Variants in ACOX3 observed in about 807,000 individuals in gnomAD.
The protein encoded by ACOX3 is peroxisomal acyl-coenzyme A oxidase 3.
In ACOX3, 73 loss-of-function variants were observed where a neutral mutation model predicts 81.5. That is an observed-to-expected ratio of 0.90 (90% CI 0.74 to 1.09). ACOX3 has a LOEUF of 1.09. Among genes scored for constraint, ACOX3 ranks in the 50% least tolerant of loss-of-function variants. ACOX3 has a pLI of 0.00. For missense variants in ACOX3, 947 were observed against 928.0 expected (o/e 1.02, Z -0.27); for synonymous variants, 387 against 375.1 (o/e 1.03, Z -0.37).
intron 1 of ACOX3, among the ~76,000 whole-genome samples, chr4:8,429,163 T>G (rs538546206): frequency 2.6e-4 from 39 of 152,320 alleles, no homozygotes; most frequent in African/African-American, 8.9e-4. Context: ...ACACTTCTTA[T>G]GAAATTTACA....
At chr4:8,362,755 G>A (rs1715260861), downstream of ACOX3, among the ~76,000 whole-genome samples, 1 of 152,196 alleles carries the variant, frequency 6.6e-6, no homozygotes, top group Non-Finnish European at 1.5e-5. Flanking sequence ...CAAGAGGAGA[G>A]GAATTTACTC....
At chr4:8,388,772 G>T (rs1351126182) in intron 13 of ACOX3, among the ~76,000 whole-genome samples, 5 of 152,208 alleles carry the variant, frequency 3.3e-5, no homozygotes, top group Admixed American at 3.3e-4. Flanking sequence ...AGCCAGCAGG[G>T]CCTGGGAGTG....
In ACOX3 at chr4:8,385,397, G is replaced by C. The variant is rs1718188902; in HGVS notation, c.1537+3776C>G. Among the ~76,000 whole-genome samples the C allele has an allele frequency of 6.6e-6, 1 of 152,090 alleles. No individual in the cohort carries two copies. The highest frequency in any genetic ancestry group is 2.4e-5 in the African/African-American group (1 of 41,404). On this transcript the variant is annotated intron_variant, in intron 13 of 17. Transcript: ENST00000356406. This position sits in a 1 kb window ranked among gnomAD's most constrained non-coding sequence, Gnocchi z 5.5. The stretch of plus-strand genomic sequence containing the variant: ...ACCACTCACCCCATGTGACCCCACT[G>C]CTCACACATGACCCTATGTCACCTC...
In ACOX3 at chr4:8,366,426, A is replaced by G. The variant is rs1357643211; in HGVS notation, c.*535T>C. 6.6e-6 allele frequency: 1 copy of G among 152,320 alleles called. No homozygotes were observed. The highest frequency in any genetic ancestry group is 1.5e-5 in the Non-Finnish European group (1 of 68,102). The allele number at this position is 152,320 out of a possible 1,614,324, so 9.4% of individuals were successfully genotyped here. On this transcript the variant is annotated 3_prime_UTR_variant, in exon 18 of 18. Transcript: ENST00000356406. ...GTTCCACAAAAGAAAGTAATCAAACAGATGTTCCTCCTTAAGTCTTAAACC... is the reference window on the plus strand; with the variant it reads ...GTTCCACAAAAGAAAGTAATCAAACGGATGTTCCTCCTTAAGTCTTAAACC...
chr4:8,390,512 T>C (rs138170592), intron 11 of ACOX3, among the ~76,000 whole-genome samples: 124 of 152,370 alleles, frequency 8.1e-4, no homozygotes, highest in African/African-American at 2.8e-3. Flanking sequence ...CCCCCAGGGC[T>C]ACCCTTCTTC....
chr4:8,413,877 G>C (rs1170754343), intron 5 of ACOX3, among the ~76,000 whole-genome samples: 1 of 152,260 alleles, frequency 6.6e-6, no homozygotes, highest in East Asian at 1.9e-4. Flanking sequence ...GCTCTTCGCA[G>C]AGGGACAGCC....
intron 1 of ACOX3, among the ~76,000 whole-genome samples, chr4:8,420,267 A>C (rs1722796420): frequency 6.6e-6 from 1 of 152,242 alleles, no homozygotes; most frequent in South Asian, 2.1e-4. Context: ...AAGGATTGTG[A>C]AGCCAGACTG....
At chr4:8,401,450 C>T (rs191559690) in intron 7 of ACOX3, among the ~76,000 whole-genome samples, 25 of 152,288 alleles carry the variant, frequency 1.6e-4, no homozygotes, top group Non-Finnish European at 2.9e-4. Flanking sequence ...GCTGCCAGCT[C>T]TGCTGTGCTG....
At chr4:8,402,380 C>T (rs760711120) in intron 7 of ACOX3, among the ~76,000 whole-genome samples, 1 of 152,188 alleles carries the variant, frequency 6.6e-6, no homozygotes, top group Non-Finnish European at 1.5e-5. Flanking sequence ...ATGCCACAGC[C>T]GCACACTCAG....
chr4:8,388,687 G>C (rs1718594091), intron 13 of ACOX3, among the ~76,000 whole-genome samples: 1 of 152,212 alleles, frequency 6.6e-6, no homozygotes, highest in Non-Finnish European at 1.5e-5. Flanking sequence ...CAGGAGATGA[G>C]CCTGTGCCAC....
rs1041779273 is a variant in ACOX3, at chr4:8,431,064, G to A, written c.-15+9584C>T. Reference sequence around the variant, plus strand: ...AGCTGGAGGGTGGAGAGGGAGCTGAGTGGCTTTTTATTGTTGGTTCTATTT... The same window carrying A: ...AGCTGGAGGGTGGAGAGGGAGCTGAATGGCTTTTTATTGTTGGTTCTATTT... On this transcript the variant is annotated intron_variant, in intron 1 of 17. Coordinates refer to ENST00000356406, the MANE Select transcript of ACOX3 (RefSeq NM_003501.3). This position sits in a 1 kb window ranked among gnomAD's most constrained non-coding sequence, Gnocchi z 5.3. Among the ~76,000 whole-genome samples, 8 of 152,152 alleles carry A rather than the reference G, an allele frequency of 5.3e-5. No homozygotes were observed. The highest frequency in any genetic ancestry group is 1.9e-4 in the African/African-American group (8 of 41,434).
Position 8,399,562 on chromosome 4 carries a change from G to A in ACOX3, c.867C>T (p.Pro289=), listed in dbSNP as rs749776895. The A allele has an allele frequency of 6.2e-7, 1 of 1,613,406 alleles. No homozygotes were observed. The highest frequency in any genetic ancestry group is 8.5e-7 in the Non-Finnish European group (1 of 1,179,338). ...CGGCCCCCCATGCCTGTACCTTAAA[G>A]GGGCTGACATAGGTGCCCTCGGGGG... ...DVTPEGTYVS[P]FKDVRQRFGA... Residue 289 remains proline, a synonymous_variant, in exon 8 of 18, where the codon CCC becomes CCT. Coordinates refer to ENST00000356406, the MANE Select transcript of ACOX3 (RefSeq NM_003501.3). This position sits in a 1 kb window ranked among gnomAD's most constrained non-coding sequence, Gnocchi z 4.9.
At chr4:8,435,692 C>T (rs1049260534) in intron 1 of ACOX3, among the ~76,000 whole-genome samples, 1 of 152,058 alleles carries the variant, frequency 6.6e-6, no homozygotes, top group Non-Finnish European at 1.5e-5. Context: ...TAAATTTAGC[C>T]CTGTTTAACA....
At position 8,370,353 on chromosome 4, in the gene ACOX3, G is replaced by A. The variant is rs970738221; in HGVS notation, c.1983+555C>T. ...TGGTGGAGGCTCCCTCAGGGGGGCG[G>A]CCTGACCCCATCTGCTATGAAGGAA... On this transcript the variant is annotated intron_variant, in intron 17 of 17. Transcript: ENST00000356406. The surrounding 1 kb of genome is among the most constrained non-coding windows in gnomAD (Gnocchi z 6.3). 6.6e-6 allele frequency among the ~76,000 whole-genome samples: 1 copy of A among 152,138 alleles called. No homozygotes were observed. The highest frequency in any genetic ancestry group is 1.5e-5 in the Non-Finnish European group (1 of 67,994).
Position 8,393,726 on chromosome 4 carries a change from C to CCCT in ACOX3, c.1179+891_1179+893dup, listed in dbSNP as rs1719341756. On this transcript the variant is annotated intron_variant, in intron 10 of 17. Coordinates refer to ENST00000356406, the MANE Select transcript of ACOX3 (RefSeq NM_003501.3). Reference sequence around the variant, plus strand: ...CTTCACATAAGGGGCTGAGCTGAGGCCCTCCTCTGCCTGGGTTAAACCACT... The same window carrying CCCT: ...CTTCACATAAGGGGCTGAGCTGAGGCCCTCCTCCTCTGCCTGGGTTAAACCACT... 1.3e-5 allele frequency among the ~76,000 whole-genome samples: 2 copies of CCCT among 152,144 alleles called. 1 individual carries two copies. The highest frequency in any genetic ancestry group is 4.2e-4 in the South Asian group (2 of 4,818).
At chr4:8,361,425 C>CAAAAAAAAAAAAAAAAAA (rs56251372), downstream of ACOX3, among the ~76,000 whole-genome samples, 7 of 39,030 alleles carry the variant, frequency 1.8e-4, no homozygotes, top group African/African-American at 7.5e-4. Context: ...GACTCTATCT[C>CAAAAAAAAAAAAAAAAAA]AAAAAAAAAA....
chr4:8,376,176 GTTAT>G, intron 14 of ACOX3, among the ~76,000 whole-genome samples: 1 of 152,228 alleles, frequency 6.6e-6, no homozygotes, highest in African/African-American at 2.4e-5. Flanking sequence ...GCCAGCATCT[GTTAT>G]TTTTCTTTTT....
downstream of ACOX3, among the ~76,000 whole-genome samples, chr4:8,365,138 A>G (rs1244612898): frequency 6.6e-6 from 1 of 152,046 alleles, no homozygotes; most frequent in African/African-American, 2.4e-5. Context: ...TTGGGCTGGG[A>G]CCCCCAGGCA....
Position 8,431,739 on chromosome 4 carries a change from A to G in ACOX3, c.-15+8909T>C, listed in dbSNP as rs1723965754. On this transcript the variant is annotated intron_variant, in intron 1 of 17. Coordinates refer to ENST00000356406, the MANE Select transcript of ACOX3 (RefSeq NM_003501.3). The surrounding 1 kb of genome is among the most constrained non-coding windows in gnomAD (Gnocchi z 5.3). ...GACAATGACCCACGGGAGCACTGCC[A>G]TAGGGCCTCACCCACCCCCTCTCTT... Among the ~76,000 whole-genome samples the G allele has an allele frequency of 6.6e-6, 1 of 152,208 alleles. No homozygotes were observed. Among genetic ancestry groups the G allele is most frequent in the South Asian group, 2.1e-4 (1 of 4,830 alleles).
Sources: gnomAD v4.1 joint callset for allele counts (sites outside exome capture counted in the v4.1 genomes callset) on GRCh38, gnomAD v4.1.1 for gene constraint, Gnocchi (gnomAD v3.1) non-coding constraint, MANE v1.5 for transcripts, NCBI Gene and HGNC (gene_info 2026-07-23, HGNC 2026-07-21) for gene names.